The following TNR variants were observed in gnomAD, a reference collection of about 807,000 sequenced individuals.
The protein encoded by TNR is tenascin-R.
A neutral mutation model predicts 150.4 loss-of-function variants in TNR; 45 were observed. The observed-to-expected ratio is 0.30, with a 90% CI of 0.24 to 0.38. TNR has a LOEUF of 0.38. Ranked by LOEUF, TNR falls within the 10% of genes least tolerant of loss-of-function variation. TNR has a pLI of 1.00. For synonymous variants in TNR, 687 were observed against 678.4 expected (o/e 1.01, Z -0.20); for missense variants, 1,544 against 1,759.1 (o/e 0.88, Z 2.19).
intron 1 of TNR, among the ~76,000 whole-genome samples, chr1:175,708,024 G>C (rs982381016): frequency 0.012 from 1,376 of 116,844 alleles, 23 homozygotes; most frequent in African/African-American, 0.044. Flanking sequence ...GTGTTTGTGT[G>C]TGTGTGTGTG....
intron 2 of TNR, among the ~76,000 whole-genome samples, chr1:175,483,604 A>G (rs1657892242): frequency 1.3e-5 from 2 of 152,194 alleles, no homozygotes; most frequent in Non-Finnish European, 2.9e-5. Flanking sequence ...GATCCTGAAG[A>G]GGAGAGAGAG....
intron 2 of TNR, among the ~76,000 whole-genome samples, chr1:175,457,331 G>A (rs55765504): frequency 0.092 from 13,942 of 152,218 alleles, 688 homozygotes; most frequent in Middle Eastern, 0.11. Context: ...AATAGACAGC[G>A]CCCATAGGCA....
At chr1:175,550,503 C>T (rs75588651) in intron 1 of TNR, among the ~76,000 whole-genome samples, 1 of 151,984 alleles carries the variant, frequency 6.6e-6, no homozygotes, top group South Asian at 2.1e-4. Flanking sequence ...CCCCTCACCC[C>T]CCATCCTTTT....
chr1:175,397,741 G>A lies in TNR; in HGVS notation c.977-934C>T, dbSNP rs192331783. Among the ~76,000 whole-genome samples, 146 of 152,316 alleles carry A rather than the reference G, an allele frequency of 9.6e-4. 3 individuals carry two copies. Among genetic ancestry groups the A allele is most frequent in the Middle Eastern group, 3.4e-3 (1 of 294 alleles). ...ATAAAAAAACATTCTTGAGGACCTT[G>A]CTTTACTTTCTTCTGATTTCTCAAA... On this transcript the variant is annotated intron_variant, in intron 4 of 22. Transcript: ENST00000367674.
At chr1:175,501,398 T>C (rs1658730362) in intron 2 of TNR, among the ~76,000 whole-genome samples, 1 of 152,240 alleles carries the variant, frequency 6.6e-6, no homozygotes, top group South Asian at 2.1e-4. Context: ...TACTTCAGTC[T>C]GTTAACCACA....
At chr1:175,477,653 G>C (rs1657605165) in intron 2 of TNR, among the ~76,000 whole-genome samples, 2 of 152,226 alleles carry the variant, frequency 1.3e-5, no homozygotes, top group African/African-American at 4.8e-5. Flanking sequence ...ACTGGCTTGG[G>C]AATGAGGGCA....
chr1:175,572,420 T>C (rs1377259819), intron 1 of TNR, among the ~76,000 whole-genome samples: 1 of 152,200 alleles, frequency 6.6e-6, no homozygotes, highest in Non-Finnish European at 1.5e-5. Context: ...TGAGGTATTT[T>C]AGTAGAGAAT....
intron 1 of TNR, among the ~76,000 whole-genome samples, chr1:175,706,713 C>T (rs1049193084): frequency 1.3e-5 from 2 of 152,142 alleles, no homozygotes; most frequent in Non-Finnish European, 2.9e-5. Context: ...CATTCACTGG[C>T]CCAGATTCTA....
Position 175,568,256 on chromosome 1 carries a change from T to C in TNR, c.-164-39887A>G, listed in dbSNP as rs541311178. 2.6e-5 allele frequency among the ~76,000 whole-genome samples: 4 copies of C among 152,286 alleles called. No homozygotes were observed. In the South Asian group the frequency reaches 8.3e-4, roughly 32 times the overall value. On this transcript the variant is annotated intron_variant, in intron 1 of 22. Coordinates refer to ENST00000367674, the MANE Select transcript of TNR (RefSeq NM_003285.3). ...AATAATTATTTAGCTGTCTGAAGTATGATGATGGATCACTGCTTTTCTCTC... is the reference window on the plus strand; with the variant it reads ...AATAATTATTTAGCTGTCTGAAGTACGATGATGGATCACTGCTTTTCTCTC...
intron 9 of TNR, among the ~76,000 whole-genome samples, chr1:175,379,104 G>C (rs866823017): frequency 2.0e-5 from 3 of 150,910 alleles, no homozygotes; most frequent in Admixed American, 2.0e-4. Flanking sequence ...GCTTGAACCC[G>C]GGAGGCAGAG....
intron 1 of TNR, among the ~76,000 whole-genome samples, chr1:175,671,865 C>A (rs1376263524): frequency 6.6e-6 from 1 of 151,702 alleles, no homozygotes; most frequent in Non-Finnish European, 1.5e-5. Flanking sequence ...CACCTGTAGG[C>A]CCTGCCACAT....
chr1:175,497,863 C>T (rs1392213966), intron 2 of TNR, among the ~76,000 whole-genome samples: 1 of 152,128 alleles, frequency 6.6e-6, no homozygotes, highest in East Asian at 1.9e-4. Context: ...AGTTTGAGAC[C>T]AGCCTGGCCA....
At chr1:175,577,200 A>C (rs1257642516) in intron 1 of TNR, among the ~76,000 whole-genome samples, 1 of 152,150 alleles carries the variant, frequency 6.6e-6, no homozygotes, top group Admixed American at 6.5e-5. Context: ...AACTCTAGAG[A>C]CAATAGGGGC....
intron 14 of TNR, among the ~76,000 whole-genome samples, chr1:175,360,173 G>GGAAA (rs1651526834): frequency 6.6e-6 from 1 of 152,168 alleles, no homozygotes; most frequent in African/African-American, 2.4e-5. Context: ...TGTGCCTCAT[G>GGAAA]GAAAGATCTC....
At position 175,403,311 on chromosome 1, in the gene TNR, C is replaced by T. The variant is rs376274379; in HGVS notation, c.805G>A (p.Asp269Asn). ...GCACATCTCCCCTTCCCCGAACAGTCCCCAGGGCACCTCAGTTCCCTGCAG... is the reference window on the plus strand; with the variant it reads ...GCACATCTCCCCTTCCCCGAACAGTTCCCAGGGCACCTCAGTTCCCTGCAG... ...EDCRELRCPGDCSGKGRCANG... is the reference protein window; with the variant it reads ...EDCRELRCPGNCSGKGRCANG... The change falls in exon 4 of 23, where the codon GAC becomes AAC. Residue 269 changes from aspartate to asparagine, a missense_variant. Physicochemically the swap from Asp to Asn is conservative, Grantham distance 23. Coordinates refer to ENST00000367674, the MANE Select transcript of TNR (RefSeq NM_003285.3). 7.4e-5 allele frequency: 120 copies of T among 1,614,088 alleles called. No homozygotes were observed. The highest frequency in any genetic ancestry group is 3.3e-5 in the Admixed American group (2 of 60,006).
rs192110398 is a variant in TNR at position 175,508,622 on chromosome 1, C to T, written c.-64+19647G>A. Among the ~76,000 whole-genome samples, 586 of 152,344 alleles carry T rather than the reference C, an allele frequency of 3.8e-3. 2 individuals are homozygous for T. Among genetic ancestry groups the T allele is most frequent in the Middle Eastern group, 0.01 (3 of 294 alleles). On this transcript the variant is annotated intron_variant, in intron 2 of 22. Coordinates refer to ENST00000367674, the MANE Select transcript of TNR (RefSeq NM_003285.3). The stretch of plus-strand genomic sequence containing the variant: ...TAAAGTAGCCCTGTGGAGAGGCCCA[C>T]ATGATGAGAAGAGGCCCTCGAGGAC...
chr1:175,647,435 C>CAAAAAAAAAAAAAAAAAAAAAA (rs397745737), intron 1 of TNR, among the ~76,000 whole-genome samples: 4 of 121,670 alleles, frequency 3.3e-5, no homozygotes, highest in African/African-American at 1.2e-4. Context: ...CTATTCGGTG[C>CAAAAAAAAAAAAAAAAAAAAAA]AAAAAAAAAA....
At chr1:175,532,972 A>G (rs1028731673) in intron 1 of TNR, among the ~76,000 whole-genome samples, 3 of 152,226 alleles carry the variant, frequency 2.0e-5, no homozygotes, top group Non-Finnish European at 4.4e-5. Flanking sequence ...GGTTAGCCCC[A>G]TTTAATGAGG....
intron 1 of TNR, among the ~76,000 whole-genome samples, chr1:175,722,614 A>T (rs1667338544): frequency 6.6e-6 from 1 of 151,750 alleles, no homozygotes; most frequent in African/African-American, 2.4e-5. Context: ...ACAGGTGCAC[A>T]CCACCATGCC....
Sources: gnomAD v4.1 joint callset for allele counts (sites outside exome capture counted in the v4.1 genomes callset) on GRCh38, gnomAD v4.1.1 for gene constraint, MANE v1.5 for transcripts, NCBI Gene and HGNC (gene_info 2026-07-23, HGNC 2026-07-21) for gene names.